COL10A1: variants seen among roughly 807,000 people sequenced by gnomAD.
COL10A1 encodes the protein collagen type X alpha 1 chain, also known as collagen alpha-1(X) chain.
A neutral mutation model predicts 18.2 loss-of-function variants in COL10A1; 10 were observed. The ratio of observed to expected loss-of-function variants is 0.55; its 90% CI spans 0.34 to 0.93. COL10A1 has a LOEUF of 0.93. Ranked by LOEUF, COL10A1 falls within the 40% of genes least tolerant of loss-of-function variation. COL10A1 has a pLI of 0.02. For missense variants in COL10A1, 897 were observed against 853.5 expected (o/e 1.05, Z -0.64); for synonymous variants, 330 against 316.6 (o/e 1.04, Z -0.45).
the COL10A1 span, among the ~76,000 whole-genome samples, chr6:116,193,598 A>G: frequency 1.3e-5 from 2 of 152,108 alleles, no homozygotes; most frequent in Non-Finnish European, 2.9e-5. Flanking sequence ...TAATATACAC[A>G]GAATATGTCT....
At chr6:116,190,318 A>T in the COL10A1 span, among the ~76,000 whole-genome samples, 1 of 151,984 alleles carries the variant, frequency 6.6e-6, no homozygotes, top group African/African-American at 2.4e-5. Context: ...AAAAAATGAG[A>T]TTATTACCAT....
In COL10A1 at chr6:116,121,216, T is replaced by C; in HGVS notation, c.900A>G (p.Lys300=). The C allele has an allele frequency of 2.5e-6, 4 of 1,613,482 alleles. No individual in the cohort carries two copies. Among genetic ancestry groups the C allele is most frequent in the Non-Finnish European group, 3.4e-6 (4 of 1,179,818 alleles). ...CTCCCTTCAGGCCTGGCAAGCCTGG[T>C]TTCCCAAAGCCAGGAGGCCCTGGGG... ...AGPPGPPGFG[K]PGLPGLKGER... Residue 300 remains lysine, a synonymous_variant, in exon 3 of 3, where the codon AAA becomes AAG. Transcript: ENST00000651968.
chr6:116,179,081 C>A, the COL10A1 span, among the ~76,000 whole-genome samples: 1 of 152,068 alleles, frequency 6.6e-6, no homozygotes, highest in East Asian at 1.9e-4. Flanking sequence ...GTTTTTTCTT[C>A]TTATTTATTT....
chr6:116,129,241 C>G (rs560723773), upstream of COL10A1, among the ~76,000 whole-genome samples: 1 of 152,038 alleles, frequency 6.6e-6, no homozygotes, highest in Non-Finnish European at 1.5e-5. Context: ...TATGTATACA[C>G]ATGTCTATAT....
rs749735150 is a variant in COL10A1 at position 116,121,729 on chromosome 6, A to G, written c.387T>C (p.Val129=). 1.1e-5 allele frequency: 18 copies of G among 1,613,716 alleles called. 1 individual carries two copies. The Admixed American group carries it at 3.0e-4, about 27-fold the overall frequency. Residue 129 remains valine, a synonymous_variant, in exon 3 of 3, where the codon GTT becomes GTC. Coordinates refer to ENST00000651968, the MANE Select transcript of COL10A1 (RefSeq NM_000493.4). Reference sequence around the variant, plus strand: ...GGGGTCCTGGTAGGCCAGCTGGTCCAACATCTCCTTTTGGTCCATATGGTC... The same window carrying G: ...GGGGTCCTGGTAGGCCAGCTGGTCCGACATCTCCTTTTGGTCCATATGGTC... ...ERGPYGPKGD[V]GPAGLPGPRG...
At chr6:116,169,420 A>G in the COL10A1 span, among the ~76,000 whole-genome samples, 82 of 152,358 alleles carry the variant, frequency 5.4e-4, no homozygotes, top group African/African-American at 1.9e-3. Flanking sequence ...TATGCTTACT[A>G]TATTGCCACT....
chr6:116,182,222 A>AGAGAGAGTGTGTGTGTGTGT, the COL10A1 span, among the ~76,000 whole-genome samples: 3 of 124,606 alleles, frequency 2.4e-5, no homozygotes, highest in Admixed American at 2.8e-4. Context: ...TTCCATGGAG[A>AGAGAGAGTGTGTGTGTGTGT]GTGTGTGTGT....
chr6:116,183,346 T>C, the COL10A1 span, among the ~76,000 whole-genome samples: 1 of 152,250 alleles, frequency 6.6e-6, no homozygotes, highest in Admixed American at 6.6e-5. Flanking sequence ...AGTCTTGCTT[T>C]GGCTATGCAG....
the COL10A1 span, among the ~76,000 whole-genome samples, chr6:116,171,772 A>G: frequency 3.3e-5 from 5 of 152,200 alleles, no homozygotes; most frequent in African/African-American, 9.6e-5. Context: ...GTGTTGAGCA[A>G]TTGGGGTACA....
At chr6:116,180,678 A>T in the COL10A1 span, among the ~76,000 whole-genome samples, 9 of 152,260 alleles carry the variant, frequency 5.9e-5, no homozygotes, top group South Asian at 1.9e-3. Flanking sequence ...ACCAGTTCAT[A>T]GGAACTAGAG....
At chr6:116,158,306 G>A (rs1414623018) in intron 1 of COL10A1, among the ~76,000 whole-genome samples, 2 of 151,826 alleles carry the variant, frequency 1.3e-5, no homozygotes, top group African/African-American at 2.4e-5. Context: ...TTAGTCCTGT[G>A]CATCTACATG....
At position 116,135,441 on chromosome 6, in the gene COL10A1, A is replaced by G. The variant is rs370619489; in HGVS notation, c.-15-9934T>C. Among the ~76,000 whole-genome samples, 372 of 151,812 alleles carry G rather than the reference A, an allele frequency of 2.5e-3. 10 individuals carry two copies. In the South Asian group the frequency reaches 0.041, roughly 17 times the overall value. Reference sequence around the variant, plus strand: ...CCCCACCTTTTTATTTAACAACTCCATGTGAGTTCTCTAGATAATATTGGT... The same window carrying G: ...CCCCACCTTTTTATTTAACAACTCCGTGTGAGTTCTCTAGATAATATTGGT... On this transcript the variant is annotated intron_variant, in intron 1 of 1. Coordinates refer to the COL10A1 transcript ENST00000418500.
chr6:116,167,397 A>G, the COL10A1 span, among the ~76,000 whole-genome samples: 26 of 151,904 alleles, frequency 1.7e-4, no homozygotes. Flanking sequence ...TATTTTTAGT[A>G]GATACAGTGT....
At chr6:116,207,608 T>A in the COL10A1 span, among the ~76,000 whole-genome samples, 1 of 151,956 alleles carries the variant, frequency 6.6e-6, no homozygotes, top group East Asian at 1.9e-4. Context: ...TATATAAACT[T>A]GTTGCATTAG....
intron 1 of COL10A1, among the ~76,000 whole-genome samples, chr6:116,150,814 T>A (rs976689219): frequency 6.6e-6 from 1 of 152,244 alleles, no homozygotes; most frequent in African/African-American, 2.4e-5. Context: ...TGGAGTCTTA[T>A]ATATCTAGTG....
chr6:116,142,031 A>ACTCT (rs1356656495), intron 1 of COL10A1, among the ~76,000 whole-genome samples: 1 of 151,908 alleles, frequency 6.6e-6, no homozygotes, highest in Non-Finnish European at 1.5e-5. Context: ...AAGATTTGTT[A>ACTCT]CTTCTGAGTT....
At chr6:116,173,500 TTCATTCACTTCATGTAG>T in the COL10A1 span, among the ~76,000 whole-genome samples, 2 of 152,036 alleles carry the variant, frequency 1.3e-5, no homozygotes, top group African/African-American at 4.8e-5. Context: ...AGCAGAGAGC[TTCATTCACTTCATGTAG>T]AGGGTTCCCG....
the COL10A1 span, among the ~76,000 whole-genome samples, chr6:116,205,673 T>C: frequency 6.6e-6 from 1 of 152,036 alleles, no homozygotes; most frequent in Non-Finnish European, 1.5e-5. Context: ...GTAGTTTCCG[T>C]CTTTATTCTG....
the COL10A1 span, among the ~76,000 whole-genome samples, chr6:116,167,291 C>T: frequency 2.1e-5 from 3 of 142,156 alleles, no homozygotes; most frequent in Non-Finnish European, 1.5e-5. Context: ...CAGCTCACTG[C>T]AACTTCCGCC....
Sources: gnomAD v4.1 joint callset for allele counts (sites outside exome capture counted in the v4.1 genomes callset) on GRCh38, gnomAD v4.1.1 for gene constraint, MANE v1.5 for transcripts, NCBI Gene and HGNC (gene_info 2026-07-23, HGNC 2026-07-21) for gene names.